The following PARD3B variants were observed in gnomAD, a reference collection of about 807,000 sequenced individuals.
PARD3B encodes the protein partitioning defective 3 homolog B.
Under a neutral mutation model 130.2 loss-of-function variants are expected in PARD3B, and 103 were observed. The observed-to-expected ratio is 0.79, with a 90% CI of 0.67 to 0.93. PARD3B has a LOEUF of 0.93. PARD3B is among the 40% of genes least tolerant of loss of function. The probability of loss-of-function intolerance (pLI) is 0.00; values close to 1 mark genes in which losing one functional copy is unlikely to be tolerated. For synonymous variants in PARD3B, 583 were observed against 553.2 expected (o/e 1.05, Z -0.76); for missense variants, 1,609 against 1,499.2 (o/e 1.07, Z -1.21).
At chr2:205,443,398 G>A (rs942622122) in intron 20 of PARD3B, among the ~76,000 whole-genome samples, 1 of 152,040 alleles carries the variant, frequency 6.6e-6, no homozygotes, top group African/African-American at 2.4e-5. Context: ...AAAGCTTTAG[G>A]GAAGATAGAG....
chr2:205,447,062 T>C (rs926344560), intron 20 of PARD3B, among the ~76,000 whole-genome samples: 3 of 152,246 alleles, frequency 2.0e-5, no homozygotes, highest in African/African-American at 7.2e-5. Context: ...TGTTAACCTC[T>C]AAAAATATGG....
intron 18 of PARD3B, among the ~76,000 whole-genome samples, chr2:205,329,607 G>A (rs1475838088): frequency 1.3e-5 from 2 of 152,218 alleles, no homozygotes; most frequent in Non-Finnish European, 2.9e-5. Flanking sequence ...ATGTTAAGAA[G>A]CAACATGCGG....
At chr2:204,749,835 G>A (rs1049212273) in intron 2 of PARD3B, among the ~76,000 whole-genome samples, 4 of 152,106 alleles carry the variant, frequency 2.6e-5, no homozygotes, top group African/African-American at 9.7e-5. Context: ...CGCCTCATAC[G>A]GCATGCTGGT....
chr2:205,499,858 A>G lies in PARD3B; in HGVS notation c.3045-38A>G, dbSNP rs1274174463. 6 of 1,591,750 alleles carry G rather than the reference A, an allele frequency of 3.8e-6. No homozygotes were observed. The Admixed American group carries it at 1.0e-4, about 27-fold the overall frequency. Reference sequence around the variant, plus strand: ...CCAAAAGTGATTTCAAAGATGATGTACACTGTGTGAATCTGATTATTTGTC... The same window carrying G: ...CCAAAAGTGATTTCAAAGATGATGTGCACTGTGTGAATCTGATTATTTGTC... On this transcript the variant is annotated intron_variant, in intron 20 of 22. Transcript: ENST00000406610.
intron 1 of PARD3B, among the ~76,000 whole-genome samples, chr2:204,611,878 T>A (rs2033942292): frequency 6.6e-6 from 1 of 152,278 alleles, no homozygotes; most frequent in Admixed American, 6.5e-5. Flanking sequence ...TTGCAGGATA[T>A]CGCAAAAATG....
intron 18 of PARD3B, among the ~76,000 whole-genome samples, chr2:205,343,832 A>T (rs1192043806): frequency 6.9e-6 from 1 of 145,462 alleles, no homozygotes; most frequent in Non-Finnish European, 1.5e-5. Context: ...GTTCTCCTCC[A>T]CCCTCACCCC....
At chr2:205,614,165 C>T (rs535412638) in intron 22 of PARD3B, among the ~76,000 whole-genome samples, 1 of 152,228 alleles carries the variant, frequency 6.6e-6, no homozygotes, top group East Asian at 1.9e-4. Context: ...AAAATGCAGT[C>T]ATCTGCACAT....
chr2:204,819,761 T>A (rs1337498880), intron 2 of PARD3B, among the ~76,000 whole-genome samples: 2 of 152,102 alleles, frequency 1.3e-5, no homozygotes, highest in African/African-American at 4.8e-5. Flanking sequence ...CAAAACAGCC[T>A]CATTGGTGAT....
At chr2:204,607,229 G>C (rs1383177286) in intron 1 of PARD3B, among the ~76,000 whole-genome samples, 1 of 152,074 alleles carries the variant, frequency 6.6e-6, no homozygotes, top group African/African-American at 2.4e-5. Flanking sequence ...AAATTATAGG[G>C]GCAGATTATC....
intron 3 of PARD3B, among the ~76,000 whole-genome samples, chr2:204,971,779 T>C (rs1691731998): frequency 6.6e-6 from 1 of 152,050 alleles, no homozygotes; most frequent in Non-Finnish European, 1.5e-5. Context: ...AAGGAGGCTA[T>C]AGTGTTTCTA....
At chr2:205,410,841 T>C (rs572407432) in intron 19 of PARD3B, among the ~76,000 whole-genome samples, 26 of 152,208 alleles carry the variant, frequency 1.7e-4, no homozygotes, top group Non-Finnish European at 3.2e-4. Context: ...TGGCAAACTC[T>C]ATATGATTTG....
intron 20 of PARD3B, among the ~76,000 whole-genome samples, chr2:205,495,795 G>C (rs971775439): frequency 1.3e-5 from 2 of 152,280 alleles, no homozygotes; most frequent in South Asian, 4.2e-4. Context: ...TTTGAAATGA[G>C]AAAACACTTG....
intron 1 of PARD3B, among the ~76,000 whole-genome samples, chr2:204,566,159 T>G (rs2031658938): frequency 6.6e-6 from 1 of 152,230 alleles, no homozygotes; most frequent in Admixed American, 6.5e-5. Flanking sequence ...TTAGACACAT[T>G]GACTGTTTAA....
chr2:205,177,954 C>T (rs145899963), intron 13 of PARD3B, among the ~76,000 whole-genome samples: 406 of 151,972 alleles, frequency 2.7e-3, no homozygotes, highest in African/African-American at 9.5e-3. Flanking sequence ...ATGGGTCTGA[C>T]TTATATTGGT....
chr2:205,310,621 T>C (rs1316089137), intron 18 of PARD3B, among the ~76,000 whole-genome samples: 1 of 152,052 alleles, frequency 6.6e-6, no homozygotes, highest in Non-Finnish European at 1.5e-5. Flanking sequence ...TTATTTCACT[T>C]ACATAATGTC....
chr2:205,240,946 G>C (rs1446691130), intron 15 of PARD3B, among the ~76,000 whole-genome samples: 1 of 152,174 alleles, frequency 6.6e-6, no homozygotes, highest in Non-Finnish European at 1.5e-5. Flanking sequence ...TTTGATGTTT[G>C]CCACTAACTA....
intron 1 of PARD3B, among the ~76,000 whole-genome samples, chr2:204,653,100 A>G (rs1409220137): frequency 6.6e-6 from 1 of 150,956 alleles, no homozygotes; most frequent in Non-Finnish European, 1.5e-5. Flanking sequence ...TGGACACAAC[A>G]GACACTGGGA....
At chr2:204,804,573 G>A (rs903070132) in intron 2 of PARD3B, among the ~76,000 whole-genome samples, 3 of 152,096 alleles carry the variant, frequency 2.0e-5, no homozygotes, top group African/African-American at 7.2e-5. Flanking sequence ...TCTAGCATTG[G>A]ACAGATCATC....
intron 1 of PARD3B, among the ~76,000 whole-genome samples, chr2:204,654,724 G>T (rs946535302): frequency 6.6e-6 from 1 of 152,034 alleles, no homozygotes; most frequent in Admixed American, 6.6e-5. Flanking sequence ...TTCATTATTG[G>T]TGATAAGCTC....
Sources: allele counts gnomAD v4.1 joint callset (sites outside exome capture counted in the v4.1 genomes callset), GRCh38; gene constraint gnomAD v4.1.1; transcripts MANE v1.5; gene names NCBI Gene and HGNC (gene_info 2026-07-23, HGNC 2026-07-21).